CHST11: variants seen among roughly 807,000 people sequenced by gnomAD.
CHST11 encodes carbohydrate sulfotransferase 11, also known as C4S-1.
In CHST11, 9 loss-of-function variants were observed where a neutral mutation model predicts 30.4. That is an observed-to-expected ratio of 0.30 (90% CI 0.18 to 0.52). The LOEUF (loss-of-function observed/expected upper bound fraction) is 0.52. Ranked by LOEUF, CHST11 falls within the 20% of genes least tolerant of loss-of-function variation. CHST11 has a pLI of 0.97. For missense variants in CHST11, 348 were observed against 460.6 expected (o/e 0.76, Z 2.24); for synonymous variants, 152 against 187.8 (o/e 0.81, Z 1.56).
chr12:104,595,177 C>A (rs552381706), intron 1 of CHST11, among the ~76,000 whole-genome samples: 24 of 152,062 alleles, frequency 1.6e-4, no homozygotes, highest in African/African-American at 5.8e-4. Context: ...TGGCCCATGC[C>A]CCACTGAGCT....
intron 2 of CHST11, among the ~76,000 whole-genome samples, chr12:104,606,480 C>T (rs567268471): frequency 3.3e-5 from 5 of 152,108 alleles, no homozygotes; most frequent in Non-Finnish European, 7.3e-5. Flanking sequence ...TACAACAACC[C>T]GAAGAGGAAG....
chr12:104,516,608 A>C (rs1426249067), intron 1 of CHST11, among the ~76,000 whole-genome samples: 1 of 152,042 alleles, frequency 6.6e-6, no homozygotes, highest in African/African-American at 2.4e-5. Flanking sequence ...GAGGGGAGAC[A>C]TACAGATAAA....
intron 2 of CHST11, among the ~76,000 whole-genome samples, chr12:104,753,757 A>T (rs1254821234): frequency 1.3e-5 from 2 of 152,226 alleles, no homozygotes; most frequent in Admixed American, 1.3e-4. Flanking sequence ...CAGTCAGCTA[A>T]TCTAACTGCC....
At chr12:104,755,791 A>G (rs1243678010) in intron 2 of CHST11, among the ~76,000 whole-genome samples, 1 of 152,132 alleles carries the variant, frequency 6.6e-6, no homozygotes, top group East Asian at 1.9e-4. Flanking sequence ...GGAAAAAAAA[A>G]GAAAAGAAAA....
intron 2 of CHST11, among the ~76,000 whole-genome samples, chr12:104,643,395 G>C (rs1294781687): frequency 2.0e-5 from 3 of 152,192 alleles, no homozygotes; most frequent in Non-Finnish European, 2.9e-5. Context: ...TTAGAGATGA[G>C]GAAGCAGAAG....
intron 2 of CHST11, among the ~76,000 whole-genome samples, chr12:104,724,577 C>A (rs1290804018): frequency 6.6e-6 from 1 of 152,092 alleles, no homozygotes; most frequent in Non-Finnish European, 1.5e-5. Context: ...TTAGGAGCAG[C>A]AGCCAGGGTC....
chr12:104,550,531 G>C (rs2038395084), intron 1 of CHST11, among the ~76,000 whole-genome samples: 1 of 152,158 alleles, frequency 6.6e-6, no homozygotes, highest in East Asian at 1.9e-4. Context: ...TAGGCAATAA[G>C]TACACAAATG....
chr12:104,514,465 C>G (rs575804731), intron 1 of CHST11: 4 of 762,916 alleles, frequency 5.2e-6, no homozygotes, highest in African/African-American at 5.1e-5. Context: ...ACCTGCCTGT[C>G]CCTGCTGCTA....
chr12:104,649,584 G>A (rs2136080995), intron 2 of CHST11, among the ~76,000 whole-genome samples: 1 of 152,310 alleles, frequency 6.6e-6, no homozygotes. Context: ...CTAAGGGGGA[G>A]TAGGCGAACC....
At chr12:104,634,091 C>T (rs737113) in intron 2 of CHST11, among the ~76,000 whole-genome samples, 7,971 of 152,284 alleles carry the variant, frequency 0.052, 297 homozygotes, top group South Asian at 0.11. Flanking sequence ...ACACAAAGCT[C>T]GGTCCTTATA....
intron 2 of CHST11, among the ~76,000 whole-genome samples, chr12:104,665,873 G>A (rs887304704): frequency 8.7e-5 from 11 of 126,466 alleles, no homozygotes; most frequent in South Asian, 2.7e-4. Flanking sequence ...AGGCTGGACC[G>A]CAGTGGCGCG....
At chr12:104,501,784 C>T (rs1236686267) in intron 1 of CHST11, among the ~76,000 whole-genome samples, 1 of 152,184 alleles carries the variant, frequency 6.6e-6, no homozygotes, top group Non-Finnish European at 1.5e-5. Context: ...TCTCTCTAGC[C>T]AGGCAGGGAG....
intron 2 of CHST11, among the ~76,000 whole-genome samples, chr12:104,742,506 C>A (rs985520567): frequency 6.6e-6 from 1 of 152,216 alleles, no homozygotes; most frequent in African/African-American, 2.4e-5. Flanking sequence ...GCCCTTACTT[C>A]TGATTTCCCA....
chr12:104,753,147 C>G (rs1446407934), intron 2 of CHST11, among the ~76,000 whole-genome samples: 2 of 152,230 alleles, frequency 1.3e-5, no homozygotes, highest in Non-Finnish European at 2.9e-5. Flanking sequence ...CCTGTCTCAG[C>G]CTGTTTCCTC....
chr12:104,537,513 C>T (rs912334217), intron 1 of CHST11, among the ~76,000 whole-genome samples: 4 of 152,186 alleles, frequency 2.6e-5, no homozygotes, highest in Admixed American at 2.6e-4. Flanking sequence ...CCAACCCACA[C>T]CACTCACAAG....
At chr12:104,571,542 G>C (rs2038626052) in intron 1 of CHST11, among the ~76,000 whole-genome samples, 1 of 152,204 alleles carries the variant, frequency 6.6e-6, no homozygotes, top group Non-Finnish European at 1.5e-5. Flanking sequence ...CAGGCTTTCA[G>C]TCTCCTGAAG....
chr12:104,530,013 G>A (rs1235716275), intron 1 of CHST11, among the ~76,000 whole-genome samples: 1 of 152,102 alleles, frequency 6.6e-6, no homozygotes, highest in Non-Finnish European at 1.5e-5. Flanking sequence ...CAAAAAATTA[G>A]CTAGGCATGG....
intron 1 of CHST11, among the ~76,000 whole-genome samples, chr12:104,527,545 C>T (rs1486228329): frequency 1.3e-5 from 2 of 152,220 alleles, no homozygotes; most frequent in East Asian, 3.8e-4. Flanking sequence ...CCCCTCCCCA[C>T]CGACGTGGAT....
intron 2 of CHST11, among the ~76,000 whole-genome samples, chr12:104,708,540 C>A (rs1469990286): frequency 6.6e-6 from 1 of 152,128 alleles, no homozygotes; most frequent in Non-Finnish European, 1.5e-5. Context: ...AGTGACAGCT[C>A]CGAGGCTGGC....
Sources: gnomAD v4.1 joint callset for allele counts (sites outside exome capture counted in the v4.1 genomes callset) on GRCh38, gnomAD v4.1.1 for gene constraint, MANE v1.5 for transcripts, NCBI Gene and HGNC (gene_info 2026-07-23, HGNC 2026-07-21) for gene names.